ANKFN1: variants seen among roughly 807,000 people sequenced by gnomAD.
ANKFN1 encodes ankyrin repeat and fibronectin type-III domain-containing protein 1.
In ANKFN1, 74 loss-of-function variants were observed where a neutral mutation model predicts 108.7. The observed-to-expected ratio is 0.68, with a 90% CI of 0.56 to 0.83. ANKFN1 has a LOEUF of 0.83. ANKFN1 is among the 40% of genes least tolerant of loss of function. ANKFN1 has a pLI of 0.00. For synonymous variants in ANKFN1, 547 were observed against 516.2 expected (o/e 1.06, Z -0.81); for missense variants, 1,505 against 1,382.3 (o/e 1.09, Z -1.41).
chr17:56,381,755 G>T (rs537997722), intron 8 of ANKFN1, among the ~76,000 whole-genome samples: 1 of 152,110 alleles, frequency 6.6e-6, no homozygotes, highest in Non-Finnish European at 1.5e-5. Flanking sequence ...AAAAAGAAAC[G>T]AACAAAGCCT....
intron 4 of ANKFN1, among the ~76,000 whole-genome samples, chr17:56,060,621 T>C (rs1904957262): frequency 6.6e-6 from 1 of 152,332 alleles, no homozygotes; most frequent in African/African-American, 2.4e-5. Context: ...ACCTAGTTTA[T>C]TGCGTGTTTC....
rs34882956 is a variant in ANKFN1, at chr17:56,467,240, G to GTATA, written c.1773+675_1773+678dup. On this transcript the variant is annotated intron_variant, in intron 15 of 20. Transcript: ENST00000682825. The stretch of plus-strand genomic sequence containing the variant: ...TGTAATGACAATACATTTCTAAATT[G>GTATA]TATATATATGTGTGCATGTGTGTGT... Among the ~76,000 whole-genome samples the GTATA allele has an allele frequency of 3.2e-4, 48 of 151,878 alleles. No homozygotes were observed. The South Asian group carries it at 5.6e-3, about 18-fold the overall frequency.
intron 4 of ANKFN1, among the ~76,000 whole-genome samples, chr17:56,049,678 G>C (rs572824162): frequency 0.011 from 1,657 of 149,938 alleles, 33 homozygotes; most frequent in African/African-American, 0.039. Flanking sequence ...TACCGAGAAT[G>C]ATGATTTCCA....
At chr17:56,081,504 C>A (rs1905245704) in intron 4 of ANKFN1, among the ~76,000 whole-genome samples, 1 of 152,096 alleles carries the variant, frequency 6.6e-6, no homozygotes, top group Non-Finnish European at 1.5e-5. Flanking sequence ...AGGCACCCGC[C>A]ACCACGCCCA....
intron 3 of ANKFN1, among the ~76,000 whole-genome samples, chr17:56,290,150 T>C (rs2044321633): frequency 6.6e-6 from 1 of 152,176 alleles, no homozygotes; most frequent in South Asian, 2.1e-4. Context: ...TTTCCTCTGC[T>C]CATTCCTTGC....
chr17:56,480,730 C>A lies in ANKFN1; in HGVS notation c.2003C>A (p.Thr668Asn). The A allele has an allele frequency of 6.2e-7, 1 of 1,613,998 alleles. No individual in the cohort carries two copies. The highest frequency in any genetic ancestry group is 8.5e-7 in the Non-Finnish European group (1 of 1,179,950). The stretch of plus-strand genomic sequence containing the variant: ...GAATCTATGGAAAGTGTGGATCATA[C>A]TTCTGACTGCCCCATGCAATTGTTC... The part of the protein sequence containing the change: ...GSESMESVDH[T>N]SDCPMQLFFY... The change falls in exon 17 of 21, where the codon ACT (threonine) becomes AAT (asparagine). Residue 668 changes from threonine to asparagine, a missense_variant. Coordinates refer to ENST00000682825, the MANE Select transcript of ANKFN1 (RefSeq NM_001370326.1).
At chr17:56,415,527 G>A (rs1379937289) in intron 8 of ANKFN1, among the ~76,000 whole-genome samples, 1 of 152,104 alleles carries the variant, frequency 6.6e-6, no homozygotes. Flanking sequence ...TCTCTACAAT[G>A]AAAACTATAA....
chr17:56,227,972 T>G lies in ANKFN1; in HGVS notation c.53+15T>G, dbSNP rs762055510. On this transcript the variant is annotated intron_variant, in intron 3 of 20. Transcript: ENST00000682825. ...TGCAGCAAAATGTAAGTACATTTCC[T>G]CCTTGAAATGGTATCTACTTCTCAG... The G allele has an allele frequency of 6.3e-7, 1 of 1,599,950 alleles. No individual in the cohort carries two copies. The highest frequency in any genetic ancestry group is 2.2e-5 in the East Asian group (1 of 44,688).
At position 56,440,422 on chromosome 17, in the gene ANKFN1, A is replaced by C. The variant is rs1408633811; in HGVS notation, c.1006A>C (p.Met336Leu). The stretch of plus-strand genomic sequence containing the variant: ...GAGATGCACAATCACAGGACTTACA[A>C]TGGTAAATGTCCCCAGTAGACTTTT... ...TLRCTITGLT[M>L]GQQYFVQVSA... The change falls in exon 9 of 21, where the codon ATG (methionine) becomes CTG (leucine). Residue 336 changes from methionine (M) to leucine (L), a missense_variant and splice_region_variant. Physicochemically the swap from Met to Leu is conservative, Grantham distance 15. Transcript: ENST00000682825. 1 of 1,606,788 alleles carries C rather than the reference A, an allele frequency of 6.2e-7. No individual in the cohort carries two copies. The highest frequency in any genetic ancestry group is 8.5e-7 in the Non-Finnish European group (1 of 1,174,076).
intron 1 of ANKFN1, among the ~76,000 whole-genome samples, chr17:56,162,153 G>T (rs1461694560): frequency 6.6e-6 from 1 of 152,126 alleles, no homozygotes; most frequent in Admixed American, 6.5e-5. Flanking sequence ...CTAAGGAGAG[G>T]TAGTTCTCCC....
intron 4 of ANKFN1, among the ~76,000 whole-genome samples, chr17:56,062,559 C>CT (rs3085080): frequency 0.13 from 17,405 of 134,416 alleles, 1,415 homozygotes; most frequent in East Asian, 0.21. Context: ...GTAATCTCTG[C>CT]TTTTTTTTTT....
In ANKFN1 at chr17:56,467,800, A is replaced by G. The variant is rs1310489580; in HGVS notation, c.1773+1229A>G. Among the ~76,000 whole-genome samples, 7 of 20,976 alleles carry G rather than the reference A, an allele frequency of 3.3e-4. 1 individual carries two copies. Among genetic ancestry groups the G allele is most frequent in the African/African-American group, 1.2e-3 (7 of 5,902 alleles). The allele number at this position is 20,976 out of a possible 152,430, so 13.8% of individuals were successfully genotyped here. A position where few individuals can be genotyped will look rare whatever the true frequency, so the allele number is the denominator to read the frequency against. ...GAAAGAAAGAAAGAAAGAAGAAAGA[A>G]AGAAAGAAAGAAAGAAAGAAAGAAA... On this transcript the variant is annotated intron_variant, in intron 15 of 20. Coordinates refer to ENST00000682825, the MANE Select transcript of ANKFN1 (RefSeq NM_001370326.1).
chr17:56,150,938 C>A (rs765426903), upstream of ANKFN1, among the ~76,000 whole-genome samples: 2 of 152,054 alleles, frequency 1.3e-5, no homozygotes, highest in East Asian at 1.9e-4. Flanking sequence ...TTTGGGACAC[C>A]GGGGAAGTGA....
intron 4 of ANKFN1, among the ~76,000 whole-genome samples, chr17:56,058,400 C>T (rs904168371): frequency 2.6e-5 from 4 of 152,216 alleles, no homozygotes; most frequent in African/African-American, 7.2e-5. Flanking sequence ...TCACCTTGCA[C>T]TTTTATGTTA....
chr17:56,156,160 A>G (rs866406782), intron 1 of ANKFN1, among the ~76,000 whole-genome samples: 15 of 149,766 alleles, frequency 1.0e-4, no homozygotes, highest in African/African-American at 3.7e-4. Context: ...GCTCACTACA[A>G]CCTCCACCTC....
intron 8 of ANKFN1, among the ~76,000 whole-genome samples, chr17:56,389,327 C>A (rs1271760019): frequency 2.0e-5 from 3 of 152,120 alleles, no homozygotes; most frequent in African/African-American, 7.2e-5. Flanking sequence ...CTGCACAATT[C>A]CATTTATGTA....
At chr17:56,060,624 C>T (rs750778696) in intron 4 of ANKFN1, among the ~76,000 whole-genome samples, 7 of 151,636 alleles carry the variant, frequency 4.6e-5, no homozygotes, top group East Asian at 1.9e-4. Flanking sequence ...TAGTTTATTG[C>T]GTGTTTCTAA....
chr17:56,353,958 C>T lies in ANKFN1; in HGVS notation c.513C>T (p.Gly171=). The change falls in exon 6 of 21, where the codon GGC becomes GGT. Residue 171 remains glycine, a synonymous_variant. Coordinates refer to ENST00000682825, the MANE Select transcript of ANKFN1 (RefSeq NM_001370326.1). ...ELDLNTPNSE[G]LTPLDIAIMT... is the part of the protein sequence containing the mutation. ...ACCTCAACACACCTAACAGCGAGGGCTTGACACCCCTGGATATTGCCATCA... is the reference window on the plus strand; with the variant it reads ...ACCTCAACACACCTAACAGCGAGGGTTTGACACCCCTGGATATTGCCATCA... 1.2e-6 allele frequency: 2 copies of T among 1,613,994 alleles called. No homozygotes were observed. Among genetic ancestry groups the T allele is most frequent in the Non-Finnish European group, 1.7e-6 (2 of 1,179,976 alleles).
At chr17:56,479,707 T>A (rs1428218654) in intron 16 of ANKFN1, among the ~76,000 whole-genome samples, 1 of 152,244 alleles carries the variant, frequency 6.6e-6, no homozygotes, top group African/African-American at 2.4e-5. Flanking sequence ...GTAGAGCCCT[T>A]TGGGGAAAGC....
Sources: gnomAD v4.1 joint callset for allele counts (sites outside exome capture counted in the v4.1 genomes callset) on GRCh38, gnomAD v4.1.1 for gene constraint, MANE v1.5 for transcripts, NCBI Gene and HGNC (gene_info 2026-07-23, HGNC 2026-07-21) for gene names.